ANKRD11: variants seen among roughly 807,000 people sequenced by gnomAD.
ANKRD11 encodes ankyrin repeat domain 11.
A neutral mutation model predicts 195.7 loss-of-function variants in ANKRD11; 17 were observed. That is an observed-to-expected ratio of 0.09 (90% CI 0.06 to 0.13). The LOEUF (loss-of-function observed/expected upper bound fraction) is 0.13, where lower values mean the gene tolerates loss of function less well. Ranked by LOEUF, ANKRD11 falls within the 10% of genes least tolerant of loss-of-function variation. The pLI is 1.00. For missense variants in ANKRD11, 3,735 were observed against 3,566.1 expected (o/e 1.05, Z -1.21); for synonymous variants, 1,953 against 1,528.1 (o/e 1.28, Z -6.49).
chr16:89,275,216 G>A (rs1236409644), intron 9 of ANKRD11, 25 bp from the exon 10 acceptor site: 1 of 1,575,164 alleles, frequency 6.3e-7, no homozygotes, highest in African/African-American at 1.3e-5. Context: ...TGAGTGTGGG[G>A]GGTCAGCTGG....
intron 4 of ANKRD11, among the ~76,000 whole-genome samples, chr16:89,295,150 G>A (rs1167818642): frequency 2.0e-5 from 3 of 152,206 alleles, no homozygotes; most frequent in African/African-American, 7.2e-5. Context: ...CGGGGTGGGG[G>A]TGGGAGCCAC....
chr16:89,472,822 C>A (rs985639926), intron 1 of ANKRD11, among the ~76,000 whole-genome samples: 1 of 152,036 alleles, frequency 6.6e-6, no homozygotes, highest in Non-Finnish European at 1.5e-5. Flanking sequence ...CAGAGAGCAC[C>A]GCAAGACCAA....
rs753973951 is a variant in ANKRD11, at chr16:89,280,474, G to A, written c.6068C>T (p.Ala2023Val). Reference protein sequence around the residue: ...APYPAPPASPAPYALPVAEPG... With the variant: ...APYPAPPASPVPYALPVAEPG... Reference sequence around the variant, plus strand: ...CTCAGCGACGGGCAGAGCGTACGGGGCAGGAGAGGCGGGAGGGGCGGGGTA... The same window carrying A: ...CTCAGCGACGGGCAGAGCGTACGGGACAGGAGAGGCGGGAGGGGCGGGGTA... Residue 2023 changes from alanine (A) to valine (V), a missense_variant, in exon 9 of 13, where the codon GCC becomes GTC. By Grantham distance (64) the Ala-to-Val change is moderately conservative. Transcript: ENST00000301030. 3.1e-6 allele frequency: 5 copies of A among 1,602,410 alleles called. No homozygotes were observed. Among genetic ancestry groups the A allele is most frequent in the Non-Finnish European group, 4.3e-6 (5 of 1,174,520 alleles).
In ANKRD11 at chr16:89,280,131, G is replaced by A. The variant is rs778269039; in HGVS notation, c.6411C>T (p.Ser2137=). Residue 2137 remains serine, a synonymous_variant, in exon 9 of 13, where the codon TCC becomes TCT. Transcript: ENST00000301030. The part of the protein sequence containing the change: ...PEDDLDLGPF[S]LPELPLQTKD... Reference sequence around the variant, plus strand: ...TAGTCTGCAGGGGAAGCTCCGGCAGGGAGAAGGGCCCCAGGTCCAGGTCGT... The same window carrying A: ...TAGTCTGCAGGGGAAGCTCCGGCAGAGAGAAGGGCCCCAGGTCCAGGTCGT... The A allele has an allele frequency of 4.3e-6, 7 of 1,612,148 alleles. No individual in the cohort carries two copies. The East Asian group carries it at 1.6e-4, about 36-fold the overall frequency.
chr16:89,421,706 G>A (rs1022127825), intron 1 of ANKRD11, among the ~76,000 whole-genome samples: 2 of 134,670 alleles, frequency 1.5e-5, no homozygotes, highest in Non-Finnish European at 3.1e-5. Context: ...ACCCGTCCAC[G>A]TCTGGGGGTG....
intron 2 of ANKRD11, among the ~76,000 whole-genome samples, chr16:89,402,821 G>T (rs1421792453): frequency 1.4e-5 from 2 of 147,830 alleles, no homozygotes; most frequent in Admixed American, 1.3e-4. Context: ...ATGAGGTTGG[G>T]GGGGCGGCAC....
Position 89,291,984 on chromosome 16 carries a change from G to A in ANKRD11, c.227-801C>T, listed in dbSNP as rs1036866265. Among the ~76,000 whole-genome samples, 17 of 152,190 alleles carry A rather than the reference G, an allele frequency of 1.1e-4. No individual in the cohort carries two copies. The highest frequency in any genetic ancestry group is 9.2e-4 in the Admixed American group (14 of 15,290). ...GAGAAGACCCCAAGCACCAAGAGTC[G>A]GGGGCACAGAAGATGCCTCCTCCTC... On this transcript the variant is annotated intron_variant, in intron 4 of 12. Transcript: ENST00000301030. This position sits in a 1 kb window ranked among gnomAD's most constrained non-coding sequence, Gnocchi z 5.3.
At chr16:89,362,454 C>T (rs2039773243) in intron 2 of ANKRD11, among the ~76,000 whole-genome samples, 1 of 152,200 alleles carries the variant, frequency 6.6e-6, no homozygotes, top group Non-Finnish European at 1.5e-5. Context: ...AAGTGAACAG[C>T]ACTGAAGCCG....
intron 1 of ANKRD11, among the ~76,000 whole-genome samples, chr16:89,479,536 G>A (rs1033511148): frequency 1.1e-4 from 16 of 152,124 alleles, no homozygotes; most frequent in African/African-American, 3.6e-4. Context: ...TCTGGAGGCT[G>A]AGGCAAGAGA....
At chr16:89,465,458 T>C (rs2056849012) in intron 1 of ANKRD11, among the ~76,000 whole-genome samples, 1 of 152,204 alleles carries the variant, frequency 6.6e-6, no homozygotes, top group Non-Finnish European at 1.5e-5. Context: ...CAGCACACTC[T>C]TGCCGTGAAG....
At chr16:89,302,401 C>T (rs936115968) in intron 4 of ANKRD11, among the ~76,000 whole-genome samples, 1 of 152,152 alleles carries the variant, frequency 6.6e-6, no homozygotes, top group African/African-American at 2.4e-5. Context: ...TACAGGCACC[C>T]GCCGCCACAC....
In ANKRD11 at chr16:89,282,442, T is replaced by G; in HGVS notation, c.4100A>C (p.Lys1367Thr). 1.2e-6 allele frequency: 2 copies of G among 1,614,160 alleles called. No homozygotes were observed. The highest frequency in any genetic ancestry group is 1.7e-6 in the Non-Finnish European group (2 of 1,180,034). Residue 1367 changes from lysine (K) to threonine (T), a missense_variant, in exon 9 of 13, where the codon AAG becomes ACG. Transcript: ENST00000301030. ...CTCTTTCTTCTCGGCCTTCTCTTTC[T>G]TGGCTCGCTCTCGGTCGTGGCTCTT... ...SKKSHDRERA[K>T]KEKAEKKEKG...
intron 2 of ANKRD11, among the ~76,000 whole-genome samples, chr16:89,400,933 C>T (rs927220618): frequency 6.6e-6 from 1 of 152,202 alleles, no homozygotes. Context: ...AGGCTCCACC[C>T]TGCTCGGGTT....
chr16:89,358,143 T>C lies in ANKRD11; in HGVS notation c.-59-41065A>G, dbSNP rs1020960356. Among the ~76,000 whole-genome samples the C allele has an allele frequency of 7.9e-5, 12 of 152,204 alleles. 1 individual carries two copies. Among genetic ancestry groups the C allele is most frequent in the Admixed American group, 7.2e-4 (11 of 15,278 alleles). On this transcript the variant is annotated intron_variant, in intron 2 of 12. Transcript: ENST00000301030. ...AGTTAACAACCAGGGTGGCTGGAGA[T>C]GCTGCACCCACCCACGTGGCTTTGC...
At chr16:89,363,685 G>A (rs2039827312) in intron 2 of ANKRD11, among the ~76,000 whole-genome samples, 1 of 152,174 alleles carries the variant, frequency 6.6e-6, no homozygotes, top group Admixed American at 6.5e-5. Flanking sequence ...TCCCGTGTAT[G>A]TGGCCCAGGC....
At chr16:89,484,799 T>C (rs2057550673) in intron 1 of ANKRD11, among the ~76,000 whole-genome samples, 1 of 152,222 alleles carries the variant, frequency 6.6e-6, no homozygotes, top group African/African-American at 2.4e-5. Context: ...GGTATAAAAA[T>C]GGTTTGTTGA....
chr16:89,326,272 CAG>C (rs1428898778), intron 2 of ANKRD11, among the ~76,000 whole-genome samples: 1 of 152,134 alleles, frequency 6.6e-6, no homozygotes, highest in Non-Finnish European at 1.5e-5. Context: ...AAGTGACCAG[CAG>C]AGAGAAACAC....
rs1002799927 is a variant in ANKRD11, at chr16:89,276,230, G to T, written c.7471-1039C>A. Reference sequence around the variant, plus strand: ...ACGCTGGCGATGCCGGGCACCTGCAGGCGGAAGGGGTGGCTCCTGACAGCA... The same window carrying T: ...ACGCTGGCGATGCCGGGCACCTGCATGCGGAAGGGGTGGCTCCTGACAGCA... On this transcript the variant is annotated intron_variant, in intron 9 of 12. Coordinates refer to ENST00000301030, the MANE Select transcript of ANKRD11 (RefSeq NM_013275.6). Among the ~76,000 whole-genome samples the T allele has an allele frequency of 5.3e-5, 8 of 152,364 alleles. 1 individual carries two copies. Among genetic ancestry groups the T allele is most frequent in the African/African-American group, 1.9e-4 (8 of 41,590 alleles).
At chr16:89,271,091 A>C in intron 11 of ANKRD11, 182 bp from the exon 12 acceptor site, 1 of 665,432 alleles carries the variant, frequency 1.5e-6, no homozygotes, top group Non-Finnish European at 2.7e-6. Context: ...CCATCTCCCT[A>C]AACAGCCTCC....
Sources: allele counts gnomAD v4.1 joint callset (sites outside exome capture counted in the v4.1 genomes callset), GRCh38; gene constraint gnomAD v4.1.1; non-coding constraint Gnocchi (gnomAD v3.1); transcripts MANE v1.5; gene names NCBI Gene and HGNC (gene_info 2026-07-23, HGNC 2026-07-21).